Variants in ZNF888 observed in about 807,000 individuals in gnomAD.
ZNF888 encodes zinc finger protein 888.
Under a neutral mutation model 7.2 loss-of-function variants are expected in ZNF888, and 5 were observed. The ratio of observed to expected loss-of-function variants is 0.70; its 90% confidence interval spans 0.36 to 1.46. ZNF888 has a LOEUF of 1.46. Among genes scored for constraint, ZNF888 ranks in the 40% most tolerant of loss-of-function variants. The pLI is 0.03. For synonymous variants in ZNF888, 240 were observed against 284.3 expected (o/e 0.84, Z 1.57); for missense variants, 716 against 858.0 (o/e 0.83, Z 2.07).
intron 1 of ZNF888, among the ~76,000 whole-genome samples, chr19:52,922,232 T>A (rs903481282): frequency 7.3e-6 from 1 of 137,486 alleles, no homozygotes; most frequent in Non-Finnish European, 1.6e-5. Context: ...TTTAGATTGT[T>A]CTCAATGTCC....
intron 4 of ZNF888, chr19:52,914,483 A>G (rs1295458975): frequency 3.2e-6 from 1 of 314,960 alleles, no homozygotes; most frequent in Non-Finnish European, 4.6e-6. Flanking sequence ...AGTAGGAAAG[A>G]AGACATTGCA....
At chr19:52,913,320 CTT>C (rs34481338) in intron 4 of ZNF888, among the ~76,000 whole-genome samples, 2 of 92,072 alleles carry the variant, frequency 2.2e-5, no homozygotes, top group African/African-American at 8.3e-5. Context: ...GTTATGGATT[CTT>C]TTTTTTTTTT....
intron 3 of ZNF888, among the ~76,000 whole-genome samples, chr19:52,917,555 C>T (rs1352875035): frequency 0.042 from 6 of 144 alleles, no homozygotes; most frequent in East Asian, 0.25. Flanking sequence ...CATCCAGATG[C>T]GGCCCTGAAC....
At position 52,907,130 on chromosome 19, in the gene ZNF888, C is replaced by T; in HGVS notation, c.1192G>A (p.Ala398Thr). ...CTAGTGTGAATTACAATATGCTGTG[C>T]CAGGTGTGAATCATGTCTGAAAGCC... ...DKAFRHDSHL[A>T]QHIVIHTREK... Residue 398 changes from alanine to threonine, a missense_variant, in exon 5 of 5, where the codon GCA (alanine) becomes ACA (threonine). This residue lies in a region of ZNF888 where 697 missense variants were observed against 803.4 expected (regional missense o/e 0.87). Coordinates refer to ENST00000638862, the MANE Select transcript of ZNF888 (RefSeq NM_001393938.1). 1 of 1,611,174 alleles carries T rather than the reference C, an allele frequency of 6.2e-7. No homozygotes were observed. Among genetic ancestry groups the T allele is most frequent in the East Asian group, 2.2e-5 (1 of 44,712 alleles).
intron 4 of ZNF888, chr19:52,913,844 G>T: frequency 1.5e-6 from 1 of 664,150 alleles, no homozygotes; most frequent in Non-Finnish European, 1.9e-6. Flanking sequence ...AAATAATAAC[G>T]GTTGGGCATG....
intron 1 of ZNF888, among the ~76,000 whole-genome samples, chr19:52,922,334 C>G (rs1271082674): frequency 1.3e-5 from 2 of 151,888 alleles, no homozygotes; most frequent in Non-Finnish European, 2.9e-5. Flanking sequence ...CTCTCTGGCA[C>G]CCCAGATTTC....
chr19:52,922,424 A>C (rs1297680458), intron 1 of ZNF888, among the ~76,000 whole-genome samples: 1 of 150,702 alleles, frequency 6.6e-6, no homozygotes, highest in Non-Finnish European at 1.5e-5. Context: ...CCTGGCTCCA[A>C]ATCCCTCCTC....
chr19:52,912,245 C>T (rs1193205642), intron 4 of ZNF888, among the ~76,000 whole-genome samples: 1 of 150,614 alleles, frequency 6.6e-6, no homozygotes, highest in Non-Finnish European at 1.5e-5. Flanking sequence ...TCCCGAGTAG[C>T]TGGGACTACA....
chr19:52,913,388 G>A (rs572922348), intron 4 of ZNF888, among the ~76,000 whole-genome samples: 6 of 142,368 alleles, frequency 4.2e-5, no homozygotes, highest in South Asian at 2.3e-4. Context: ...GCAATGGTGC[G>A]ATCCTGGCTC....
Position 52,906,748 on chromosome 19 carries a change from T to A in ZNF888, c.1574A>T (p.Asn525Ile). ...IHTGEKPYKC[N>I]ECGKTFVQNS... ...TTGAACGAAGGTCTTGCCACACTCA[T>A]TACACTTGTAAGGTTTCTCTCCAGT... The change falls in exon 5 of 5, where the codon AAT becomes ATT. Residue 525 changes from asparagine to isoleucine, a missense_variant. Asn to Ile is a moderately radical substitution (Grantham distance 149). Around this residue, in one of 2 missense-constraint regions of ZNF888, gnomAD observed 697 missense variants for 803.4 expected, o/e 0.87. Coordinates refer to ENST00000638862, the MANE Select transcript of ZNF888 (RefSeq NM_001393938.1). 9 of 1,613,106 alleles carry A rather than the reference T, an allele frequency of 5.6e-6. No individual in the cohort carries two copies. The highest frequency in any genetic ancestry group is 8.5e-7 in the Non-Finnish European group (1 of 1,179,370).
At position 52,906,599 on chromosome 19, in the gene ZNF888, C is replaced by G. The variant is rs1445850716; in HGVS notation, c.1723G>C (p.Glu575Gln). 1.9e-6 allele frequency: 3 copies of G among 1,613,856 alleles called. No individual in the cohort carries two copies. Among genetic ancestry groups the G allele is most frequent in the East Asian group, 4.5e-5 (2 of 44,870 alleles). Residue 575 changes from glutamate to glutamine, a missense_variant, in exon 5 of 5, where the codon GAG becomes CAG. Around this residue, in one of 2 missense-constraint regions of ZNF888, gnomAD observed 697 missense variants for 803.4 expected, o/e 0.87. Coordinates refer to ENST00000638862, the MANE Select transcript of ZNF888 (RefSeq NM_001393938.1). ...LAYHHRLHTGEKPYKCNECGK... is the reference protein window; with the variant it reads ...LAYHHRLHTGQKPYKCNECGK... ...CATTCATTACACTTGTAAGGTTTCTCTCCAGTATGAAGTCTATGATGATAT... is the reference window on the plus strand; with the variant it reads ...CATTCATTACACTTGTAAGGTTTCTGTCCAGTATGAAGTCTATGATGATAT...
chr19:52,919,935 C>T (rs2147939463), intron 1 of ZNF888, among the ~76,000 whole-genome samples: 1 of 61,200 alleles, frequency 1.6e-5, no homozygotes, highest in Middle Eastern at 5.6e-3. Flanking sequence ...GCCACCCCGT[C>T]TGGGAAGTGA....
chr19:52,911,459 C>T (rs961474591), intron 4 of ZNF888, among the ~76,000 whole-genome samples: 2 of 151,920 alleles, frequency 1.3e-5, no homozygotes, highest in African/African-American at 4.8e-5. Context: ...CTGCCTCAGC[C>T]TCCTGAGTAG....
chr19:52,920,581 G>C (rs1201538078), intron 1 of ZNF888, among the ~76,000 whole-genome samples: 1 of 57,406 alleles, frequency 1.7e-5, no homozygotes, highest in South Asian at 5.8e-4. Context: ...TCTCTCTAAG[G>C]GCAGCCATTG....
chr19:52,920,508 AAAAAAAAAG>A (rs2064812761), intron 1 of ZNF888, among the ~76,000 whole-genome samples: 9 of 42,554 alleles, frequency 2.1e-4, no homozygotes, highest in South Asian at 8.8e-4. Flanking sequence ...AAAAAAAAAA[AAAAAAAAAG>A]AAAAAAAAAG....
chr19:52,911,342 CTTTT>C (rs200448605), intron 4 of ZNF888, among the ~76,000 whole-genome samples: 3 of 143,312 alleles, frequency 2.1e-5, no homozygotes, highest in Non-Finnish European at 3.0e-5. Flanking sequence ...GTTTTCTTTT[CTTTT>C]TTTTTTTTTT....
rs187772300 is a variant in ZNF888, at chr19:52,914,800, A to G, written c.142+396T>C. On this transcript the variant is annotated intron_variant, in intron 4 of 4. Transcript: ENST00000638862. ...TCTTTCCTCAGCCTTTCTAGGAGCT[A>G]GGATTACAGGTGTGTGCCACCATCC... Among the ~76,000 whole-genome samples the G allele has an allele frequency of 1.9e-3, 292 of 152,182 alleles. 4 individuals are homozygous for G. Among genetic ancestry groups the G allele is most frequent in the African/African-American group, 6.6e-3 (274 of 41,538 alleles).
chr19:52,906,853 C>G lies in ZNF888; in HGVS notation c.1469G>C (p.Gly490Ala). The G allele has an allele frequency of 6.2e-7, 1 of 1,612,828 alleles. No homozygotes were observed. The highest frequency in any genetic ancestry group is 8.5e-7 in the Non-Finnish European group (1 of 1,179,704). ...HLERHRRIHT[G>A]EKPYKCKVCD... ...AACCTTACATTTGTATGGTTTCTCA[C>G]CAGTGTGAATTCTCCTATGTCTTTC... Residue 490 changes from glycine to alanine, a missense_variant, in exon 5 of 5, where the codon GGT becomes GCT. Transcript: ENST00000638862.
Position 52,905,605 on chromosome 19 carries a change from G to A in ZNF888, c.*560C>T, listed in dbSNP as rs557941062. The A allele has an allele frequency of 2.7e-5, 10 of 363,904 alleles. No homozygotes were observed. Among genetic ancestry groups the A allele is most frequent in the African/African-American group, 6.4e-5 (3 of 46,934 alleles). The allele number at this position is 363,904 out of a possible 1,614,324, so 22.5% of individuals were successfully genotyped here. A position where few individuals can be genotyped will look rare whatever the true frequency, so the allele number is the denominator to read the frequency against. On this transcript the variant is annotated 3_prime_UTR_variant, in exon 5 of 5. Transcript: ENST00000638862. ...GCTAGCATTACAGGTGTGAGCCACC[G>A]CACTCAGCCTAATCCTCTTAACATA...
Sources: allele counts gnomAD v4.1 joint callset (sites outside exome capture counted in the v4.1 genomes callset), GRCh38; gene constraint gnomAD v4.1.1; regional missense constraint gnomAD v4.1.1; transcripts MANE v1.5; gene names NCBI Gene and HGNC (gene_info 2026-07-23, HGNC 2026-07-21).